The following KLHL32 variants were observed in gnomAD, a reference collection of about 807,000 sequenced individuals.
The protein encoded by KLHL32 is kelch-like protein 32.
In KLHL32, 35 loss-of-function variants were observed where a neutral mutation model predicts 64.8. The observed-to-expected ratio is 0.54, with a 90% CI of 0.41 to 0.72. The LOEUF is 0.72. Among genes scored for constraint, KLHL32 ranks in the 30% least tolerant of loss-of-function variants. The pLI is 0.00. For missense variants in KLHL32, 589 were observed against 768.5 expected (o/e 0.77, Z 2.76); for synonymous variants, 259 against 281.0 (o/e 0.92, Z 0.78).
rs1800551625 is a variant in KLHL32 at position 97,140,363 on chromosome 6, TAA to T, written c.*1084_*1085del. 1 of 152,118 alleles carries T rather than the reference TAA, an allele frequency of 6.6e-6. No homozygotes were observed. Among genetic ancestry groups the T allele is most frequent in the Non-Finnish European group, 1.5e-5 (1 of 67,936 alleles). The allele number at this position is 152,118 out of a possible 1,614,324, so 9.4% of individuals were successfully genotyped here. A position where few individuals can be genotyped will look rare whatever the true frequency, so the allele number is the denominator to read the frequency against. ...TTGAACCTAGAATTGGCAGTTCTAA[TAA>T]AAGTTTTTCCACTTTGTTAAAGGTT... is the stretch of plus-strand genomic sequence containing the variant. On this transcript the variant is annotated 3_prime_UTR_variant, in exon 11 of 11. Transcript: ENST00000369261.
At position 97,132,695 on chromosome 6, in the gene KLHL32, A is replaced by G. The variant is rs776632424; in HGVS notation, c.1649A>G (p.Tyr550Cys). The G allele has an allele frequency of 1.2e-6, 2 of 1,613,314 alleles. No homozygotes were observed. Among genetic ancestry groups the G allele is most frequent in the South Asian group, 2.2e-5 (2 of 90,958 alleles). ...SGVAVHNGRI[Y>C]LVGGYSIWTN... ...GTTGCTGTCCATAATGGGAGAATAT[A>G]TTTAGTTGGTGGATATTCAATTTGG... Residue 550 changes from tyrosine (Y) to cysteine (C), a missense_variant, in exon 10 of 11, where the codon TAT (tyrosine) becomes TGT (cysteine). This residue lies in a region of KLHL32 where 172 missense variants were observed against 192.0 expected (regional missense o/e 0.90). Transcript: ENST00000369261.
Position 97,097,548 on chromosome 6 carries a change from A to G in KLHL32, c.627+12207A>G, listed in dbSNP as rs77760723. Among the ~76,000 whole-genome samples, 1,098 of 152,206 alleles carry G rather than the reference A, an allele frequency of 7.2e-3. 6 individuals carry two copies. Among genetic ancestry groups the G allele is most frequent in the Non-Finnish European group, 0.012 (784 of 68,010 alleles). ...TTGTGCCTCACACTCTGGAAATCAC[A>G]TTTTATTTTTTCCTTGGGATTTAAT... On this transcript the variant is annotated intron_variant, in intron 6 of 10. Coordinates refer to ENST00000369261, the MANE Select transcript of KLHL32 (RefSeq NM_052904.4).
In KLHL32 at chr6:97,046,317, A is replaced by G. The variant is rs1004466596; in HGVS notation, c.312+4718A>G. Among the ~76,000 whole-genome samples the G allele has an allele frequency of 1.1e-4, 17 of 152,272 alleles. No individual in the cohort carries two copies. In the South Asian group the frequency reaches 2.1e-3, roughly 19 times the overall value. ...ATTGACTAAGATCATTCTCTCATATATTTTGGCCCAATTAGTCAAACCGAG... is the reference window on the plus strand; with the variant it reads ...ATTGACTAAGATCATTCTCTCATATGTTTTGGCCCAATTAGTCAAACCGAG... On this transcript the variant is annotated intron_variant, in intron 4 of 10. Coordinates refer to ENST00000369261, the MANE Select transcript of KLHL32 (RefSeq NM_052904.4).
At chr6:97,127,011 A>G (rs1367395112) in intron 7 of KLHL32, among the ~76,000 whole-genome samples, 1 of 152,188 alleles carries the variant, frequency 6.6e-6, no homozygotes, top group Non-Finnish European at 1.5e-5. Flanking sequence ...AGAGCTTTAA[A>G]ATTGACAATT....
chr6:96,905,375 C>T, the KLHL32 span, among the ~76,000 whole-genome samples: 1 of 152,186 alleles, frequency 6.6e-6, no homozygotes, highest in Non-Finnish European at 1.5e-5. Flanking sequence ...AACTCCAGAG[C>T]TAGGGTCTGT....
chr6:97,049,247 A>G (rs1448293867), intron 4 of KLHL32, among the ~76,000 whole-genome samples: 1 of 152,240 alleles, frequency 6.6e-6, no homozygotes, highest in Non-Finnish European at 1.5e-5. Flanking sequence ...GAACAATTAT[A>G]ACAATACACC....
At position 97,020,747 on chromosome 6, in the gene KLHL32, T is replaced by C. The variant is rs188084955; in HGVS notation, c.205-20745T>C. ...CAGCATCTCAGTCACTTCCTATTTC[T>C]TCCTTGAAACATTTTCTTCACTTGA... On this transcript the variant is annotated intron_variant, in intron 3 of 10. Coordinates refer to ENST00000369261, the MANE Select transcript of KLHL32 (RefSeq NM_052904.4). Among the ~76,000 whole-genome samples, 88 of 151,148 alleles carry C rather than the reference T, an allele frequency of 5.8e-4. No homozygotes were observed. The East Asian group carries it at 0.015, about 26-fold the overall frequency.
intron 1 of KLHL32, among the ~76,000 whole-genome samples, chr6:96,942,937 A>G (rs543428484): frequency 2.0e-5 from 3 of 152,094 alleles, no homozygotes; most frequent in Admixed American, 2.0e-4. Flanking sequence ...CACATGCCAC[A>G]GTTAAAAATT....
chr6:97,052,689 C>T (rs1004008943), intron 4 of KLHL32, among the ~76,000 whole-genome samples: 1 of 152,142 alleles, frequency 6.6e-6, no homozygotes, highest in Non-Finnish European at 1.5e-5. Context: ...GAAATATCCC[C>T]GCAAATTTCC....
Position 97,041,593 on chromosome 6 carries a change from A to G in KLHL32, c.306A>G (p.Thr102=), listed in dbSNP as rs750247422. 2.5e-6 allele frequency: 4 copies of G among 1,595,112 alleles called. No homozygotes were observed. The African/African-American group carries it at 5.4e-5, about 21-fold the overall frequency. The part of the protein sequence containing the change: ...GLKQALEFAY[T]GQILLEPGVI... ...AGCAGGCTCTGGAGTTTGCATACAC[A>G]GGACAGGTATGGTATTAAATGTGAT... Residue 102 remains threonine (T), a synonymous_variant, in exon 4 of 11, where the codon ACA becomes ACG. Coordinates refer to ENST00000369261, the MANE Select transcript of KLHL32 (RefSeq NM_052904.4).
intron 5 of KLHL32, among the ~76,000 whole-genome samples, chr6:97,064,978 C>T (rs527488812): frequency 1.3e-4 from 20 of 152,244 alleles, no homozygotes; most frequent in South Asian, 6.2e-4. Flanking sequence ...ATTGAGCAGC[C>T]GATCAACTCA....
chr6:97,120,169 T>C (rs1187121935), intron 7 of KLHL32, among the ~76,000 whole-genome samples: 2 of 152,014 alleles, frequency 1.3e-5, no homozygotes, highest in Non-Finnish European at 2.9e-5. Context: ...GGCAAGGAAC[T>C]GGGCAGGGGT....
intron 6 of KLHL32, among the ~76,000 whole-genome samples, chr6:97,112,858 A>G (rs899273660): frequency 3.3e-5 from 5 of 149,282 alleles, no homozygotes; most frequent in Admixed American, 1.3e-4. Context: ...AATAATAAAT[A>G]TATAATTTTA....
At chr6:96,909,439 AT>A in the KLHL32 span, among the ~76,000 whole-genome samples, 1 of 152,202 alleles carries the variant, frequency 6.6e-6, no homozygotes, top group Non-Finnish European at 1.5e-5. Context: ...GTTCTGGACT[AT>A]GCTTTGCAAC....
intron 3 of KLHL32, among the ~76,000 whole-genome samples, chr6:96,999,150 C>T (rs901698340): frequency 6.6e-6 from 1 of 152,130 alleles, no homozygotes; most frequent in Non-Finnish European, 1.5e-5. Flanking sequence ...AATCTCAACA[C>T]TTTAGGAGGC....
At chr6:97,011,346 C>T (rs1303252272) in intron 3 of KLHL32, among the ~76,000 whole-genome samples, 1 of 152,160 alleles carries the variant, frequency 6.6e-6, no homozygotes, top group African/African-American at 2.4e-5. Context: ...TGTGATAAAT[C>T]ACCTAGAGAA....
At chr6:97,015,390 G>C (rs372020653) in intron 3 of KLHL32, among the ~76,000 whole-genome samples, 16 of 152,296 alleles carry the variant, frequency 1.1e-4, no homozygotes, top group South Asian at 4.1e-4. Flanking sequence ...CTTGTTGAAT[G>C]GACTTTACCA....
chr6:97,132,994 A>C (rs145399961), intron 10 of KLHL32, among the ~76,000 whole-genome samples: 1 of 152,350 alleles, frequency 6.6e-6, no homozygotes, highest in African/African-American at 2.4e-5. Flanking sequence ...ATATATTGGA[A>C]ACTGGGAAAC....
At chr6:97,082,371 T>C (rs546230919) in intron 5 of KLHL32, among the ~76,000 whole-genome samples, 1 of 152,246 alleles carries the variant, frequency 6.6e-6, no homozygotes, top group East Asian at 1.9e-4. Context: ...CCCAGCACTT[T>C]GGGAGGCCGA....
Sources: gnomAD v4.1 joint callset for allele counts (sites outside exome capture counted in the v4.1 genomes callset) on GRCh38, gnomAD v4.1.1 for gene constraint, gnomAD v4.1.1 regional missense constraint, MANE v1.5 for transcripts, NCBI Gene and HGNC (gene_info 2026-07-23, HGNC 2026-07-21) for gene names.